The following WHRN variants were observed in gnomAD, a reference collection of about 807,000 sequenced individuals.
WHRN encodes the protein CASK-interacting protein CIP98.
WHRN carries 41 observed loss-of-function variants against 68.3 expected under a neutral mutation model. The ratio of observed to expected loss-of-function variants is 0.60; its 90% CI spans 0.47 to 0.78. The LOEUF is 0.78. Among genes scored for constraint, WHRN ranks in the 30% least tolerant of loss-of-function variants. WHRN has a pLI of 0.00. For synonymous variants in WHRN, 560 were observed against 561.3 expected, an observed-to-expected ratio of 1.00 and a Z score of 0.03; for missense variants, 1,243 against 1,244.7, an observed-to-expected ratio of 1.00 and a Z score of 0.02.
At chr9:114,442,133 A>G (rs1340995000) in intron 3 of WHRN, among the ~76,000 whole-genome samples, 3 of 152,250 alleles carry the variant, frequency 2.0e-5, no homozygotes, top group South Asian at 4.1e-4. Flanking sequence ...ATAGGAAGAT[A>G]AAGGCTGAGG....
chr9:114,412,082 CCT>C (rs1835480259), intron 7 of WHRN, among the ~76,000 whole-genome samples: 2 of 152,136 alleles, frequency 1.3e-5, no homozygotes. Context: ...AATATCCAGC[CCT>C]GTCAGGGAGG....
intron 1 of WHRN, chr9:114,491,653 CT>C: frequency 8.4e-6 from 2 of 238,752 alleles, no homozygotes; most frequent in Non-Finnish European, 1.8e-5. Context: ...AGATGACAGG[CT>C]TTTTGCCGCC....
chr9:114,468,743 G>A (rs1250570193), intron 2 of WHRN, among the ~76,000 whole-genome samples: 1 of 152,046 alleles, frequency 6.6e-6, no homozygotes, highest in Non-Finnish European at 1.5e-5. Context: ...GCAGCCACTG[G>A]TTAGACAGAT....
In WHRN at chr9:114,424,536, T is replaced by G. The variant is rs753116383; in HGVS notation, c.1214A>C (p.Tyr405Ser). 6.2e-7 allele frequency: 1 copy of G among 1,612,088 alleles called. No homozygotes were observed. Among genetic ancestry groups the G allele is most frequent in the East Asian group, 2.2e-5 (1 of 44,798 alleles). ...TTEGINKPGF[Y>S]KGPAGSQVTL... ...CACCTGGGAGCCGGCTGGGCCCTTGTAAAATCCTGGCTGCAAGACAGAAAG... is the reference window on the plus strand; with the variant it reads ...CACCTGGGAGCCGGCTGGGCCCTTGGAAAATCCTGGCTGCAAGACAGAAAG... Residue 405 changes from tyrosine (Y) to serine (S), a missense_variant, in exon 6 of 12, where the codon TAC becomes TCC. By Grantham distance (144) the Tyr-to-Ser change is moderately radical. Coordinates refer to ENST00000362057, the MANE Select transcript of WHRN (RefSeq NM_015404.4).
At chr9:114,406,032 T>C (rs1834998761) in intron 9 of WHRN, among the ~76,000 whole-genome samples, 1 of 152,134 alleles carries the variant, frequency 6.6e-6, no homozygotes, top group Admixed American at 6.5e-5. Context: ...ACGAGTTCAG[T>C]CCTCCTGGTG....
intron 3 of WHRN, among the ~76,000 whole-genome samples, chr9:114,443,947 A>G (rs1289850341): frequency 6.6e-6 from 1 of 152,200 alleles, no homozygotes; most frequent in Non-Finnish European, 1.5e-5. Context: ...GAGAAATGAG[A>G]GCCAAGCAAA....
At chr9:114,436,595 G>A (rs543646709) in intron 3 of WHRN, among the ~76,000 whole-genome samples, 15 of 152,258 alleles carry the variant, frequency 9.9e-5, no homozygotes, top group African/African-American at 1.4e-4. Flanking sequence ...TTGTGGGGCC[G>A]AGGTGGGTGG....
At chr9:114,424,235 G>C (rs1292815676) in intron 6 of WHRN, 99 bp downstream of exon 6, 8 of 1,410,040 alleles carry the variant, frequency 5.7e-6, no homozygotes, top group Non-Finnish European at 8.0e-6. Context: ...TTCAGTTCAG[G>C]CCTGACCCCT....
chr9:114,490,585 C>T (rs556097020), intron 1 of WHRN, among the ~76,000 whole-genome samples: 2 of 151,790 alleles, frequency 1.3e-5, no homozygotes, highest in South Asian at 2.1e-4. Flanking sequence ...AGAGTTTGAC[C>T]TTCTCTGAGG....
chr9:114,442,615 G>A (rs1564159331), intron 3 of WHRN, among the ~76,000 whole-genome samples: 1 of 152,128 alleles, frequency 6.6e-6, no homozygotes, highest in Non-Finnish European at 1.5e-5. Flanking sequence ...CCTCATAAAC[G>A]GCTTGGTGCC....
At chr9:114,479,175 T>G (rs750800903) in intron 1 of WHRN, among the ~76,000 whole-genome samples, 1 of 152,104 alleles carries the variant, frequency 6.6e-6, no homozygotes, top group African/African-American at 2.4e-5. Context: ...CAGTAATGGT[T>G]TATGCTCAGC....
intron 9 of WHRN, among the ~76,000 whole-genome samples, chr9:114,406,044 A>G (rs1834999295): frequency 6.6e-6 from 1 of 152,228 alleles, no homozygotes. Context: ...CTCCTGGTGA[A>G]CACAGGGTGG....
chr9:114,428,305 G>A (rs528375745), intron 3 of WHRN, among the ~76,000 whole-genome samples: 1 of 152,182 alleles, frequency 6.6e-6, no homozygotes, highest in Non-Finnish European at 1.5e-5. Context: ...CAGCCTGGCT[G>A]GGTGACAGAG....
At chr9:114,499,441 T>C (rs1380308301) in intron 1 of WHRN, among the ~76,000 whole-genome samples, 1 of 152,244 alleles carries the variant, frequency 6.6e-6, no homozygotes, top group Non-Finnish European at 1.5e-5. Flanking sequence ...AGCCATTTAA[T>C]GTCATTCTTT....
At position 114,466,480 on chromosome 9, in the gene WHRN, G is replaced by A. The variant is rs1342199513; in HGVS notation, c.838-88C>T. 1.2e-5 allele frequency: 19 copies of A among 1,581,074 alleles called. No individual in the cohort carries two copies. The East Asian group carries it at 1.3e-4, about 11-fold the overall frequency. Reference sequence around the variant, plus strand: ...GCTGCAAAGCCCCCTCTCGTACTTTGAAGAGCGCATCTTATCCGACTGGCA... The same window carrying A: ...GCTGCAAAGCCCCCTCTCGTACTTTAAAGAGCGCATCTTATCCGACTGGCA... On this transcript the variant is annotated intron_variant, in intron 2 of 11. Coordinates refer to ENST00000362057, the MANE Select transcript of WHRN (RefSeq NM_015404.4).
intron 1 of WHRN, among the ~76,000 whole-genome samples, chr9:114,488,052 C>T (rs10982245): frequency 0.023 from 3,493 of 152,276 alleles, 66 homozygotes; most frequent in Non-Finnish European, 0.037. Flanking sequence ...TCTTAGGGTG[C>T]GAACTCCCTC....
At chr9:114,423,277 T>C (rs762653394) in intron 7 of WHRN, 37 bp downstream of exon 7, 1 of 1,608,780 alleles carries the variant, frequency 6.2e-7, no homozygotes, top group East Asian at 2.2e-5. Context: ...AACTCTGCCC[T>C]GGCTACTAAG....
intron 9 of WHRN, 119 bp from the exon 10 acceptor site, chr9:114,404,196 G>T: frequency 1.1e-5 from 12 of 1,123,250 alleles, no homozygotes; most frequent in Middle Eastern, 2.4e-4. Context: ...GGCAAAGATG[G>T]GGGAAGGAAT....
At chr9:114,407,264 A>C (rs965673418) in intron 8 of WHRN, among the ~76,000 whole-genome samples, 2 of 152,212 alleles carry the variant, frequency 1.3e-5, no homozygotes, top group Non-Finnish European at 2.9e-5. Context: ...CTTGAGTACT[A>C]GAGGCAAGAG....
Sources: gnomAD v4.1 joint callset for allele counts (sites outside exome capture counted in the v4.1 genomes callset) on GRCh38, gnomAD v4.1.1 for gene constraint, MANE v1.5 for transcripts, NCBI Gene and HGNC (gene_info 2026-07-23, HGNC 2026-07-21) for gene names.